The following KANSL1 variants were observed in gnomAD, a reference collection of about 807,000 sequenced individuals.
KANSL1 encodes KAT8 regulatory NSL complex subunit 1.
A neutral mutation model predicts 103.6 loss-of-function variants in KANSL1; 22 were observed. The ratio of observed to expected loss-of-function variants is 0.21; its 90% CI spans 0.15 to 0.30. The LOEUF is 0.30. KANSL1 is among the 10% of genes least tolerant of loss of function. The probability of loss-of-function intolerance (pLI) is 1.00; values close to 1 mark genes in which losing one functional copy is unlikely to be tolerated. For synonymous variants in KANSL1, 600 were observed against 527.6 expected (o/e 1.14, Z -1.88); for missense variants, 1,337 against 1,399.8 (o/e 0.96, Z 0.72).
At chr17:46,168,583 G>C (rs74844971) in intron 2 of KANSL1, among the ~76,000 whole-genome samples, 1 of 152,186 alleles carries the variant, frequency 6.6e-6, no homozygotes, top group Non-Finnish European at 1.5e-5. Flanking sequence ...TCAACCTCAA[G>C]TGATCCGCCC....
At chr17:46,053,608 A>T (rs1568391759) in intron 6 of KANSL1, among the ~76,000 whole-genome samples, 4 of 151,742 alleles carry the variant, frequency 2.6e-5, no homozygotes, top group South Asian at 4.2e-4. Context: ...ATATTTTTGT[A>T]TTTTTTTAGT....
At chr17:46,056,145 C>T (rs2077920915) in intron 6 of KANSL1, among the ~76,000 whole-genome samples, 1 of 152,072 alleles carries the variant, frequency 6.6e-6, no homozygotes, top group Admixed American at 6.6e-5. Flanking sequence ...TTACAGGCAC[C>T]CACCACCAAG....
rs1023164178 is a variant in KANSL1 at position 46,146,832 on chromosome 17, CAA to C, written c.1289+24021_1289+24022del. Among the ~76,000 whole-genome samples, 15 of 37,306 alleles carry C rather than the reference CAA, an allele frequency of 4.0e-4. No homozygotes were observed. In the South Asian group the frequency reaches 6.7e-3, roughly 17 times the overall value. 24.5% of individuals were successfully genotyped at this position (37,306 alleles called of 152,430 possible). ...TGGGCGACAGAGCGAGACTCCGTCTCAAAAAAAAAAAAAAAAAAAAAAAAAGA... is the reference window on the plus strand; with the variant it reads ...TGGGCGACAGAGCGAGACTCCGTCTCAAAAAAAAAAAAAAAAAAAAAAAGA... On this transcript the variant is annotated intron_variant, in intron 2 of 14. Coordinates refer to ENST00000432791, the MANE Select transcript of KANSL1 (RefSeq NM_015443.4).
chr17:46,083,121 C>T (rs1441516128), intron 3 of KANSL1, among the ~76,000 whole-genome samples: 1 of 152,062 alleles, frequency 6.6e-6, no homozygotes, highest in Non-Finnish European at 1.5e-5. Context: ...ATTTCAAATT[C>T]AGACCTTTGG....
At chr17:46,167,950 C>T (rs961972055) in intron 2 of KANSL1, among the ~76,000 whole-genome samples, 3 of 152,212 alleles carry the variant, frequency 2.0e-5, no homozygotes, top group Admixed American at 6.5e-5. Flanking sequence ...TTAAAAACAG[C>T]TCATTCCAAC....
chr17:46,136,191 C>T (rs1377673947), intron 2 of KANSL1, among the ~76,000 whole-genome samples: 1 of 151,842 alleles, frequency 6.6e-6, no homozygotes, highest in African/African-American at 2.4e-5. Flanking sequence ...AAATAATAAT[C>T]CATGGTAAAA....
intron 2 of KANSL1, among the ~76,000 whole-genome samples, chr17:46,144,018 A>G (rs1383548553): frequency 5.3e-5 from 8 of 152,216 alleles, no homozygotes; most frequent in Admixed American, 5.2e-4. Context: ...CAGACCAAGT[A>G]ACAGCAGAGG....
chr17:46,172,054 G>A lies in KANSL1; in HGVS notation c.90C>T (p.Ser30=). The change falls in exon 2 of 15, where the codon TCC becomes TCT. Residue 30 remains serine, a synonymous_variant. Coordinates refer to ENST00000432791, the MANE Select transcript of KANSL1 (RefSeq NM_015443.4). ...FKLAPPSSTL[S]PGSAENNGNA... is the part of the protein sequence containing the mutation. ...TGCCGTTATTTTCGGCACTGCCAGG[G>A]GACAAGGTAGAGGATGGGGGAGCCA... is the stretch of plus-strand genomic sequence containing the variant. The A allele has an allele frequency of 6.2e-7, 1 of 1,614,156 alleles. No homozygotes were observed. Among genetic ancestry groups the A allele is most frequent in the Non-Finnish European group, 8.5e-7 (1 of 1,180,054 alleles).
chr17:46,171,187 A>ATGT lies in KANSL1; in HGVS notation c.954_956dup (p.Gln318dup). 1 of 1,614,090 alleles carries ATGT rather than the reference A, an allele frequency of 6.2e-7. No individual in the cohort carries two copies. Among genetic ancestry groups the ATGT allele is most frequent in the Non-Finnish European group, 8.5e-7 (1 of 1,180,044 alleles). ...TCTTCTCCAAAAATCCACCCAGCTG[A>ATGT]TGTTGTATATGCCTCTCAACCTGCT... On this transcript the variant is annotated inframe_insertion, in exon 2 of 15. Transcript: ENST00000432791.
rs560220956 is a variant in KANSL1 at position 46,046,801 on chromosome 17, C to A, written c.2020+3732G>T. Reference sequence around the variant, plus strand: ...GCAGTGACCCGAGATTGCACGACTGCACTCCAGCCTGGGTGACAGAGCAAA... The same window carrying A: ...GCAGTGACCCGAGATTGCACGACTGAACTCCAGCCTGGGTGACAGAGCAAA... On this transcript the variant is annotated intron_variant, in intron 7 of 14. Transcript: ENST00000432791. 4.9e-4 allele frequency among the ~76,000 whole-genome samples: 71 copies of A among 145,232 alleles called. 1 individual carries two copies. Among genetic ancestry groups the A allele is most frequent in the African/African-American group, 1.8e-3 (69 of 39,018 alleles).
At chr17:46,105,943 AC>A (rs2042539053) in intron 2 of KANSL1, among the ~76,000 whole-genome samples, 9 of 69,448 alleles carry the variant, frequency 1.3e-4, no homozygotes, top group Non-Finnish European at 2.9e-4. Flanking sequence ...ACACACACAC[AC>A]ACACCCCCCC....
chr17:46,072,513 T>C (rs1031065306), intron 4 of KANSL1, among the ~76,000 whole-genome samples: 2 of 152,058 alleles, frequency 1.3e-5, no homozygotes, highest in Non-Finnish European at 2.9e-5. Context: ...CTTTGTATGA[T>C]TGATTTCATG....
intron 10 of KANSL1, chr17:46,037,385 G>C (rs928754002): frequency 5.3e-5 from 8 of 152,244 alleles, no homozygotes; most frequent in African/African-American, 1.9e-4. Flanking sequence ...AGATTGATTT[G>C]TAACAGCAAA....
intron 2 of KANSL1, among the ~76,000 whole-genome samples, chr17:46,159,986 T>C (rs1180436059): frequency 6.6e-6 from 1 of 152,192 alleles, no homozygotes; most frequent in East Asian, 1.9e-4. Flanking sequence ...TGCCTTCAGG[T>C]TGCTCCATTT....
intron 1 of KANSL1, among the ~76,000 whole-genome samples, chr17:46,200,795 TATG>T (rs2047778823): frequency 2.0e-5 from 3 of 152,208 alleles, no homozygotes; most frequent in Non-Finnish European, 2.9e-5. Flanking sequence ...GATTCTAAGT[TATG>T]ATGCAACTTG....
chr17:46,051,702 T>G (rs1158156281), intron 6 of KANSL1, among the ~76,000 whole-genome samples: 1 of 152,202 alleles, frequency 6.6e-6, no homozygotes. Flanking sequence ...GCATCCTAGG[T>G]GCAAGCTCAG....
intron 6 of KANSL1, among the ~76,000 whole-genome samples, chr17:46,062,091 C>CAAAAAAA (rs35638067): frequency 1.9e-4 from 13 of 70,076 alleles, no homozygotes; most frequent in African/African-American, 3.5e-4. Flanking sequence ...GACTCCGACT[C>CAAAAAAA]AAAAAAAAAA....
rs1236541973 is a variant in KANSL1, at chr17:46,171,531, T to C, written c.613A>G (p.Met205Val). Reference protein sequence around the residue: ...GSESGDLKGGMTNCTLPHRSL... With the variant: ...GSESGDLKGGVTNCTLPHRSL... ...CTATGTGGAAGAGTGCAATTGGTCA[T>C]ACCCCCCTTCAAGTCCCCAGATTCA... The change falls in exon 2 of 15, where the codon ATG becomes GTG. Residue 205 changes from methionine (M) to valine (V), a missense_variant. By Grantham distance (21) the Met-to-Val change is conservative. Coordinates refer to ENST00000432791, the MANE Select transcript of KANSL1 (RefSeq NM_015443.4). 5 of 1,613,278 alleles carry C rather than the reference T, an allele frequency of 3.1e-6. No homozygotes were observed. In the Admixed American group the frequency reaches 8.3e-5, roughly 27 times the overall value.
chr17:46,158,610 A>G (rs2147586881), intron 2 of KANSL1, among the ~76,000 whole-genome samples: 2 of 152,302 alleles, frequency 1.3e-5, no homozygotes, highest in South Asian at 4.1e-4. Flanking sequence ...GAGCAATCTC[A>G]GCTCACTGTA....
Sources: allele counts gnomAD v4.1 joint callset (sites outside exome capture counted in the v4.1 genomes callset), GRCh38; gene constraint gnomAD v4.1.1; transcripts MANE v1.5; gene names NCBI Gene and HGNC (gene_info 2026-07-23, HGNC 2026-07-21).